The following BCORL1 variants were observed in gnomAD, a reference collection of about 807,000 sequenced individuals.
BCORL1 encodes BCL-6 corepressor-like protein 1.
BCORL1 carries 7 observed loss-of-function variants against 87.6 expected under a neutral mutation model. The observed-to-expected ratio is 0.08, with a 90% CI of 0.05 to 0.15. The LOEUF is 0.15. Ranked by LOEUF, BCORL1 falls within the 10% of genes least tolerant of loss-of-function variation. BCORL1 has a pLI of 1.00. For missense variants in BCORL1, 1,215 were observed against 1,499.7 expected, an observed-to-expected ratio of 0.81 and a Z score of 3.13; for synonymous variants, 591 against 634.4, an observed-to-expected ratio of 0.93 and a Z score of 1.03.
At chrX:130,044,258 CT>C (rs2124559778) in intron 11 of BCORL1, among the ~76,000 whole-genome samples, 1 of 110,972 alleles carries the variant, frequency 9.0e-6, no homozygotes, top group East Asian at 2.8e-4. Context: ...ATGCTTTTGG[CT>C]TTTTGTCCCC....
chrX:129,999,297 C>CTTTTTTT (rs1213156086), intron 1 of BCORL1, among the ~76,000 whole-genome samples: 2 of 39,107 alleles, frequency 5.1e-5, no homozygotes, highest in Non-Finnish European at 9.0e-5. Flanking sequence ...TGAAACACAT[C>CTTTTTTT]TTTTTTTTTT....
intron 1 of BCORL1, among the ~76,000 whole-genome samples, chrX:130,002,920 T>C (rs1398338890): frequency 9.1e-6 from 1 of 109,457 alleles, no homozygotes; most frequent in Non-Finnish European, 1.9e-5. Context: ...AATGCCCAAG[T>C]CTTTGGGGTG....
At chrX:130,006,151 C>T (rs914561606) in intron 2 of BCORL1, among the ~76,000 whole-genome samples, 4 of 110,861 alleles carry the variant, frequency 3.6e-5, no homozygotes, top group Non-Finnish European at 5.7e-5. Context: ...AAGTTGAGAC[C>T]GCCTAGCATA....
chrX:129,995,551 C>T (rs1399499535), intron 1 of BCORL1, among the ~76,000 whole-genome samples: 2 of 111,321 alleles, frequency 1.8e-5, no homozygotes, highest in African/African-American at 6.5e-5. Context: ...AGTGATTCCC[C>T]TGCCTCAGCC....
At chrX:130,054,550 A>T (rs1211916715) in intron 13 of BCORL1, among the ~76,000 whole-genome samples, 5 of 110,186 alleles carry the variant, frequency 4.5e-5, no homozygotes, top group Non-Finnish European at 9.5e-5. Context: ...TGTGTGTGTG[A>T]GAGAGAGACA....
In BCORL1 at chrX:130,014,471, C is replaced by G. The variant is rs35616836; in HGVS notation, c.1699C>G (p.Leu567Val). 1.7e-6 allele frequency: 2 copies of G among 1,211,714 alleles called. No homozygotes were observed. The highest frequency in any genetic ancestry group is 4.3e-5 in the Admixed American group (2 of 46,053). ...SAKVLPTPQP[L>V]LPAPSGSSAP... The stretch of plus-strand genomic sequence containing the variant: ...CAAGGTGCTTCCAACTCCACAGCCT[C>G]TGCTGCCAGCCCCCAGTGGGAGCTC... Residue 567 changes from leucine to valine, a missense_variant, in exon 4 of 14, where the codon CTG (leucine) becomes GTG (valine). Leu to Val is a conservative substitution (Grantham distance 32). Around this residue, in one of 5 missense-constraint regions of BCORL1, gnomAD observed 861 missense variants for 1,010.0 expected, o/e 0.85. Transcript: ENST00000540052.
chrX:130,045,490 A>G (rs1284379937), intron 11 of BCORL1, among the ~76,000 whole-genome samples: 1 of 111,492 alleles, frequency 9.0e-6, no homozygotes, highest in African/African-American at 3.3e-5. Context: ...TGAGTGAGTT[A>G]GAGGAGATGG....
chrX:130,023,077 G>A lies in BCORL1; in HGVS notation c.3688+100G>A, dbSNP rs1929968215. The A allele has an allele frequency of 4.0e-6, 3 of 747,773 alleles. No homozygotes were observed. In the East Asian group the frequency reaches 9.6e-5, roughly 24 times the overall value. 61.6% of individuals were successfully genotyped at this position (747,773 alleles called of 1,213,427 possible). A position where few individuals can be genotyped will look rare whatever the true frequency, so the allele number is the denominator to read the frequency against. On this transcript the variant is annotated intron_variant, in intron 6 of 13. Transcript: ENST00000540052. Reference sequence around the variant, plus strand: ...TTACCATGGGCCCAGGTGTCGAGTTGGGAATTTGATTCACTGTGCCACAAT... The same window carrying A: ...TTACCATGGGCCCAGGTGTCGAGTTAGGAATTTGATTCACTGTGCCACAAT...
chrX:129,998,485 T>C (rs1927741795), intron 1 of BCORL1, among the ~76,000 whole-genome samples: 1 of 111,588 alleles, frequency 9.0e-6, no homozygotes, highest in Admixed American at 9.6e-5. Flanking sequence ...GGCTTTTCCT[T>C]TTTGCTCACC....
chrX:130,004,286 C>T (rs1489807669), intron 1 of BCORL1, among the ~76,000 whole-genome samples: 2 of 100,420 alleles, frequency 2.0e-5, no homozygotes, highest in Non-Finnish European at 4.0e-5. Flanking sequence ...GCTCTGTGGC[C>T]CAGGCTGGAG....
chrX:129,995,669 A>T (rs1927515353), intron 1 of BCORL1, among the ~76,000 whole-genome samples: 1 of 110,532 alleles, frequency 9.0e-6, no homozygotes, highest in Admixed American at 9.7e-5. Flanking sequence ...TGAACTCCAG[A>T]CCTCTAGTGA....
At chrX:129,983,428 G>T (rs935331900) in intron 1 of BCORL1, among the ~76,000 whole-genome samples, 109 of 83,837 alleles carry the variant, frequency 1.3e-3, no homozygotes, top group African/African-American at 4.9e-3. Flanking sequence ...CTTTTTTTTG[G>T]GGGGGGGGGG....
chrX:129,989,711 C>T (rs1926948590), intron 1 of BCORL1, among the ~76,000 whole-genome samples: 1 of 104,391 alleles, frequency 9.6e-6, no homozygotes, highest in South Asian at 4.4e-4. Flanking sequence ...AAGTGATCTG[C>T]CCACCTCAAC....
At position 130,025,411 on chromosome X, in the gene BCORL1, C is replaced by G. The variant is rs199965147; in HGVS notation, c.4078+32C>G. The G allele has an allele frequency of 2.7e-4, 306 of 1,120,252 alleles. 2 individuals are homozygous for G. The highest frequency in any genetic ancestry group is 3.7e-4 in the Middle Eastern group (1 of 2,738). The allele number at this position is 1,120,252 out of a possible 1,213,427, so 92.3% of individuals were successfully genotyped here. A position where few individuals can be genotyped will look rare whatever the true frequency, so the allele number is the denominator to read the frequency against. ...CTGGCCAGGGGCTCTGCTGTCGCCG[C>G]GGCCCGTTTGGCTTCTGGGAACCCT... On this transcript the variant is annotated intron_variant, in intron 7 of 13. Coordinates refer to ENST00000540052, the MANE Select transcript of BCORL1 (RefSeq NM_001379451.1).
At position 130,014,314 on chromosome X, in the gene BCORL1, G is replaced by A. The variant is rs778697850; in HGVS notation, c.1542G>A (p.Ser514=). 8 of 1,209,038 alleles carry A rather than the reference G, an allele frequency of 6.6e-6. No homozygotes were observed. The highest frequency in any genetic ancestry group is 2.2e-5 in the Admixed American group (1 of 45,653). Residue 514 remains serine (S), a synonymous_variant, in exon 4 of 14, where the codon TCG becomes TCA. Transcript: ENST00000540052. ...TTTCTGTGGCCCGGCCTCTGACTTC[G>A]GATTCCAAGCTGGTATCTCTGGAGG... ...YAFSVARPLT[S]DSKLVSLEVN... is the part of the protein sequence containing the mutation.
At chrX:130,024,886 C>G (rs960063634) in intron 6 of BCORL1, 104 bp from the exon 7 acceptor site, 1 of 1,093,401 alleles carries the variant, frequency 9.1e-7, no homozygotes, top group Admixed American at 2.9e-5. Flanking sequence ...AGAGCCTGAA[C>G]TTGAACCCAG....
At chrX:130,002,614 A>G (rs1928142714) in intron 1 of BCORL1, among the ~76,000 whole-genome samples, 1 of 106,128 alleles carries the variant, frequency 9.4e-6, no homozygotes, top group African/African-American at 3.5e-5. Flanking sequence ...ACTGAGGGAA[A>G]TGGGGAAGGT....
rs764414641 is a variant in BCORL1, at chrX:130,021,164, C to T, written c.3607+14C>T. ...GCCACGAGGAAGGTAGGCCCCGCGG[C>T]CCTGGCCCTCTGGGCTGGGCTGCAG... On this transcript the variant is annotated intron_variant, in intron 5 of 13. Transcript: ENST00000540052. 1.7e-6 allele frequency: 2 copies of T among 1,194,831 alleles called. No homozygotes were observed. Among genetic ancestry groups the T allele is most frequent in the Non-Finnish European group, 2.2e-6 (2 of 889,513 alleles).
chrX:129,984,136 G>C (rs1470278568), intron 1 of BCORL1, among the ~76,000 whole-genome samples: 1 of 18,680 alleles, frequency 5.4e-5, no homozygotes, highest in African/African-American at 2.4e-4. Flanking sequence ...GCTCCGGCGG[G>C]CGGCGGGGCG....
Sources: allele counts gnomAD v4.1 joint callset (sites outside exome capture counted in the v4.1 genomes callset), GRCh38; gene constraint gnomAD v4.1.1; regional missense constraint gnomAD v4.1.1; transcripts MANE v1.5; gene names NCBI Gene and HGNC (gene_info 2026-07-23, HGNC 2026-07-21).